Variants in CLNK observed in about 807,000 individuals in gnomAD.
CLNK encodes the protein cytokine dependent hematopoietic cell linker.
Under a neutral mutation model 68.6 loss-of-function variants are expected in CLNK, and 74 were observed. The observed-to-expected ratio is 1.08, with a 90% CI of 0.89 to 1.31. The LOEUF is 1.31. Ranked by LOEUF, CLNK falls within the 50% of genes most tolerant of loss-of-function variation. CLNK has a pLI of 0.00. For missense variants in CLNK, 553 were observed against 515.3 expected (o/e 1.07, Z -0.71); for synonymous variants, 198 against 172.2 (o/e 1.15, Z -1.17).
intron 2 of CLNK, among the ~76,000 whole-genome samples, chr4:10,600,410 A>T (rs906292419): frequency 3.6e-4 from 55 of 152,338 alleles, no homozygotes; most frequent in African/African-American, 1.3e-3. Flanking sequence ...CGCACTAGGT[A>T]ATAGGGTATA....
chr4:10,618,708 G>A (rs1418131592), intron 2 of CLNK, among the ~76,000 whole-genome samples: 1 of 152,096 alleles, frequency 6.6e-6, no homozygotes, highest in African/African-American at 2.4e-5. Flanking sequence ...AGCAGAAGCA[G>A]GCACATCTTC....
chr4:10,608,000 G>C (rs180843668), intron 2 of CLNK, among the ~76,000 whole-genome samples: 1 of 152,284 alleles, frequency 6.6e-6, no homozygotes, highest in African/African-American at 2.4e-5. Flanking sequence ...TAAGAGTGCT[G>C]AATCATTAGC....
chr4:10,606,289 A>G (rs536057173), intron 2 of CLNK, among the ~76,000 whole-genome samples: 2 of 152,300 alleles, frequency 1.3e-5, no homozygotes, highest in Admixed American at 6.5e-5. Flanking sequence ...CAATGGCATC[A>G]CTACCTGCCG....
rs559304036 is a variant in CLNK at position 10,498,161 on chromosome 4, T to C, written c.1140+3095A>G. Among the ~76,000 whole-genome samples, 49 of 146,172 alleles carry C rather than the reference T, an allele frequency of 3.4e-4. No individual in the cohort carries two copies. The South Asian group carries it at 9.4e-3, about 28-fold the overall frequency. On this transcript the variant is annotated intron_variant, in intron 18 of 18. Coordinates refer to ENST00000226951, the MANE Select transcript of CLNK (RefSeq NM_052964.4). ...GGTGAGCCAAGATCACGCCATTGCATTCCAGCCTGGGCAACAAGAACGAGA... is the reference window on the plus strand; with the variant it reads ...GGTGAGCCAAGATCACGCCATTGCACTCCAGCCTGGGCAACAAGAACGAGA...
intron 12 of CLNK, among the ~76,000 whole-genome samples, chr4:10,529,931 A>C (rs938434183): frequency 1.3e-5 from 2 of 152,194 alleles, no homozygotes; most frequent in African/African-American, 4.8e-5. Flanking sequence ...TAGAAAATAA[A>C]CATAGTCAAG....
At chr4:10,490,727 T>C in intron 18 of CLNK, 114 bp from the exon 19 acceptor site, 2 of 805,360 alleles carry the variant, frequency 2.5e-6, no homozygotes, top group South Asian at 1.9e-5. Flanking sequence ...AATTTAACAA[T>C]GTTTGTATGG....
At chr4:10,518,986 G>C (rs1305701160) in intron 15 of CLNK, among the ~76,000 whole-genome samples, 1 of 152,146 alleles carries the variant, frequency 6.6e-6, no homozygotes, top group Non-Finnish European at 1.5e-5. Context: ...ACATTGCAGG[G>C]GTGCTTAAGC....
At chr4:10,531,539 C>T (rs527639964) in intron 12 of CLNK, 11 of 290,492 alleles carry the variant, frequency 3.8e-5, no homozygotes, top group East Asian at 2.9e-4. Flanking sequence ...TGGGTTCAAG[C>T]GATTCTCCTT....
the CLNK span, among the ~76,000 whole-genome samples, chr4:10,702,441 G>A: frequency 6.6e-6 from 1 of 152,102 alleles, no homozygotes; most frequent in Non-Finnish European, 1.5e-5. Context: ...GTCCTATTTT[G>A]GATATTTAGG....
At chr4:10,680,927 T>A (rs1437363495) in intron 1 of CLNK, among the ~76,000 whole-genome samples, 3 of 151,608 alleles carry the variant, frequency 2.0e-5, no homozygotes, top group African/African-American at 7.3e-5. Flanking sequence ...GTGTAAAGAG[T>A]CCAGACAGAT....
At chr4:10,685,328 G>T (rs1020523983), upstream of CLNK, among the ~76,000 whole-genome samples, 4 of 151,986 alleles carry the variant, frequency 2.6e-5, no homozygotes, top group Non-Finnish European at 5.9e-5. Context: ...AAAAATGAGG[G>T]ATAATTGAGG....
At chr4:10,623,308 C>T (rs921809800) in intron 2 of CLNK, among the ~76,000 whole-genome samples, 1 of 152,130 alleles carries the variant, frequency 6.6e-6, no homozygotes, top group South Asian at 2.1e-4. Flanking sequence ...TATGTAAAAT[C>T]AGAGAAGCAG....
chr4:10,693,149 G>A, the CLNK span, among the ~76,000 whole-genome samples: 2 of 152,196 alleles, frequency 1.3e-5, no homozygotes, highest in African/African-American at 2.4e-5. Context: ...CTTGTATAAG[G>A]AGCCTGGTAA....
rs561494910 is a variant in CLNK, at chr4:10,562,324, A to G, written c.399+2347T>C. On this transcript the variant is annotated intron_variant, in intron 7 of 18. Transcript: ENST00000226951. ...TGAAGGCTCAGAGAGGTTGAGTAAC[A>G]GACCCAAAGGCACAGAGCTTATAAA... Among the ~76,000 whole-genome samples the G allele has an allele frequency of 3.9e-5, 6 of 152,200 alleles. No individual in the cohort carries two copies. The East Asian group carries it at 9.7e-4, about 24-fold the overall frequency.
rs745505361 is a variant in CLNK, at chr4:10,542,313, T to C, written c.446-33A>G. 6 of 1,452,628 alleles carry C rather than the reference T, an allele frequency of 4.1e-6. No homozygotes were observed. In the African/African-American group the frequency reaches 4.2e-5, roughly 10 times the overall value. The allele number at this position is 1,452,628 out of a possible 1,614,324, so 90.0% of individuals were successfully genotyped here. A position where few individuals can be genotyped will look rare whatever the true frequency, so the allele number is the denominator to read the frequency against. ...ATAAGAGGGAATAGCAGTGAATTTA[T>C]GGAAAATGTCATCAAGCATTGATTT... On this transcript the variant is annotated intron_variant, in intron 8 of 18. Coordinates refer to ENST00000226951, the MANE Select transcript of CLNK (RefSeq NM_052964.4).
At chr4:10,698,075 C>A in the CLNK span, among the ~76,000 whole-genome samples, 1 of 151,984 alleles carries the variant, frequency 6.6e-6, no homozygotes, top group Admixed American at 6.6e-5. Flanking sequence ...GATTGTAGTT[C>A]GGAATTAAGA....
upstream of CLNK, among the ~76,000 whole-genome samples, chr4:10,688,046 T>C (rs1429556092): frequency 6.6e-6 from 1 of 152,184 alleles, no homozygotes; most frequent in African/African-American, 2.4e-5. Flanking sequence ...AACTTGAGGA[T>C]GATAATACTT....
At chr4:10,494,867 C>G (rs929094133) in intron 18 of CLNK, among the ~76,000 whole-genome samples, 2 of 152,164 alleles carry the variant, frequency 1.3e-5, no homozygotes, top group Non-Finnish European at 2.9e-5. Flanking sequence ...ATTGAATAAT[C>G]TTTTCCAGGG....
chr4:10,496,911 G>A (rs1048632714), intron 18 of CLNK, among the ~76,000 whole-genome samples: 5 of 152,138 alleles, frequency 3.3e-5, no homozygotes, highest in African/African-American at 4.8e-5. Context: ...CCCCTATGCC[G>A]GGGCCCGCTC....
Sources: allele counts gnomAD v4.1 joint callset (sites outside exome capture counted in the v4.1 genomes callset), GRCh38; gene constraint gnomAD v4.1.1; transcripts MANE v1.5; gene names NCBI Gene and HGNC (gene_info 2026-07-23, HGNC 2026-07-21).